The following OPCML variants were observed in gnomAD, a reference collection of about 807,000 sequenced individuals.
OPCML encodes the protein opioid-binding protein/cell adhesion molecule.
A neutral mutation model predicts 37.8 loss-of-function variants in OPCML; 13 were observed. The observed-to-expected ratio is 0.34, with a 90% CI of 0.22 to 0.55. The LOEUF (loss-of-function observed/expected upper bound fraction) is 0.55, where lower values mean the gene tolerates loss of function less well. OPCML is among the 20% of genes least tolerant of loss of function. OPCML has a pLI of 0.91. For synonymous variants in OPCML, 176 were observed against 168.8 expected (o/e 1.04, Z -0.33); for missense variants, 341 against 435.6 (o/e 0.78, Z 1.93).
chr11:133,423,094 A>C, intron 1 of OPCML: 1 of 985,432 alleles, frequency 1.0e-6, no homozygotes, highest in Non-Finnish European at 1.2e-6. Flanking sequence ...GTTCTCCAGA[A>C]TTGAGAAATG....
intron 2 of OPCML, among the ~76,000 whole-genome samples, chr11:132,785,676 A>G (rs1947184962): frequency 6.6e-6 from 1 of 152,214 alleles, no homozygotes; most frequent in South Asian, 2.1e-4. Flanking sequence ...AACTCTGTGC[A>G]GTAGAATCAC....
chr11:132,600,882 A>G (rs1357264633), intron 3 of OPCML, among the ~76,000 whole-genome samples: 2 of 101,144 alleles, frequency 2.0e-5, no homozygotes, highest in Non-Finnish European at 3.6e-5. Flanking sequence ...CACGGTCTCT[A>G]TATTGCTTAG....
In OPCML at chr11:133,140,823, A is replaced by C. The variant is rs868025544; in HGVS notation, c.62-197813T>G. Reference sequence around the variant, plus strand: ...AAGAAGAAGACGACGACGAAGAAGAAGACGACGACGAAGAAGACGACGACG... The same window carrying C: ...AAGAAGAAGACGACGACGAAGAAGACGACGACGACGAAGAAGACGACGACG... On this transcript the variant is annotated intron_variant, in intron 1 of 7. Coordinates refer to ENST00000524381, the MANE Select transcript of OPCML (RefSeq NM_001012393.5). Among the ~76,000 whole-genome samples, 45 of 31,688 alleles carry C rather than the reference A, an allele frequency of 1.4e-3. 1 individual carries two copies. Among genetic ancestry groups the C allele is most frequent in the African/African-American group, 3.0e-3 (45 of 14,764 alleles). 20.8% of individuals were successfully genotyped at this position (31,688 alleles called of 152,430 possible).
chr11:132,489,457 T>C (rs985006797), intron 4 of OPCML, among the ~76,000 whole-genome samples: 1 of 152,240 alleles, frequency 6.6e-6, no homozygotes, highest in Non-Finnish European at 1.5e-5. Flanking sequence ...CGATCGTTTA[T>C]TGTCAAATAT....
chr11:133,304,835 T>C (rs1461314635), intron 1 of OPCML, among the ~76,000 whole-genome samples: 4 of 152,178 alleles, frequency 2.6e-5, no homozygotes, highest in African/African-American at 4.8e-5. Context: ...TTTGAGGGAT[T>C]TTTCCTTATG....
chr11:132,889,125 T>C (rs1943541848), intron 2 of OPCML, among the ~76,000 whole-genome samples: 1 of 152,220 alleles, frequency 6.6e-6, no homozygotes, highest in African/African-American at 2.4e-5. Context: ...ACTGTTTGCC[T>C]CAGGACTGCA....
At chr11:132,764,723 C>A (rs1946378739) in intron 2 of OPCML, among the ~76,000 whole-genome samples, 1 of 152,178 alleles carries the variant, frequency 6.6e-6, no homozygotes, top group African/African-American at 2.4e-5. Context: ...TGGATGAGCA[C>A]ATCTGTTAGC....
At chr11:132,650,872 C>A (rs1266221837) in intron 3 of OPCML, among the ~76,000 whole-genome samples, 1 of 152,176 alleles carries the variant, frequency 6.6e-6, no homozygotes, top group East Asian at 1.9e-4. Context: ...AAATTTATTT[C>A]AGGTTAACTG....
intron 1 of OPCML, among the ~76,000 whole-genome samples, chr11:133,253,813 T>TCCTTCCCTTCCCTTCCCTTC (rs750850537): frequency 6.6e-5 from 9 of 136,564 alleles, no homozygotes; most frequent in South Asian, 4.8e-4. Flanking sequence ...CCTTTTTCCC[T>TCCTTCCCTTCCCTTCCCTTC]CCTTCCCTTC....
chr11:132,961,844 G>A (rs749290014), intron 1 of OPCML, among the ~76,000 whole-genome samples: 11 of 152,176 alleles, frequency 7.2e-5, no homozygotes, highest in Non-Finnish European at 1.5e-4. Context: ...CCATATGAAA[G>A]GTCTTCCTCT....
intron 2 of OPCML, among the ~76,000 whole-genome samples, chr11:132,767,491 C>T (rs867464464): frequency 5.9e-5 from 9 of 152,164 alleles, no homozygotes; most frequent in African/African-American, 1.7e-4. Context: ...TCCATTTAGC[C>T]GACATACTGC....
chr11:132,548,279 T>C (rs79990799), intron 3 of OPCML, among the ~76,000 whole-genome samples: 10,825 of 152,170 alleles, frequency 0.071, 761 homozygotes, highest in African/African-American at 0.17. Context: ...CTAAAGGAAG[T>C]AGGGCAGAAA....
At chr11:132,503,290 G>A (rs1449381698) in intron 4 of OPCML, among the ~76,000 whole-genome samples, 6 of 152,090 alleles carry the variant, frequency 3.9e-5, no homozygotes, top group Admixed American at 2.0e-4. Context: ...GTTCTCCTTG[G>A]TGCCATTATT....
intron 1 of OPCML, among the ~76,000 whole-genome samples, chr11:133,030,661 GAATT>G (rs1337563130): frequency 6.6e-6 from 1 of 152,092 alleles, no homozygotes; most frequent in Non-Finnish European, 1.5e-5. Context: ...ACTTTACCTA[GAATT>G]AATATGCTAG....
chr11:133,071,985 G>A (rs1055157341), intron 1 of OPCML, among the ~76,000 whole-genome samples: 4 of 152,290 alleles, frequency 2.6e-5, no homozygotes, highest in Non-Finnish European at 5.9e-5. Flanking sequence ...AGTCAGGACT[G>A]CGTGTGCAGG....
chr11:133,524,660 C>T (rs1384716626), intron 1 of OPCML, among the ~76,000 whole-genome samples: 2 of 152,230 alleles, frequency 1.3e-5, no homozygotes, highest in East Asian at 1.9e-4. Flanking sequence ...GATGTGAGAT[C>T]CAAAAGTGTG....
intron 3 of OPCML, among the ~76,000 whole-genome samples, chr11:132,554,450 A>G (rs565837346): frequency 1.3e-5 from 2 of 152,344 alleles, no homozygotes; most frequent in African/African-American, 4.8e-5. Context: ...AGTTTTTGCC[A>G]AAGCATTCAG....
At chr11:132,431,036 T>C (rs1376564486) in intron 7 of OPCML, among the ~76,000 whole-genome samples, 1 of 152,200 alleles carries the variant, frequency 6.6e-6, no homozygotes, top group African/African-American at 2.4e-5. Context: ...CCACCCCTGC[T>C]GTACTTAGGC....
intron 1 of OPCML, among the ~76,000 whole-genome samples, chr11:133,525,034 T>C (rs1190552810): frequency 6.6e-6 from 1 of 152,178 alleles, no homozygotes; most frequent in Non-Finnish European, 1.5e-5. Context: ...GAGAACATAT[T>C]GGAGAACAAA....
Sources: allele counts gnomAD v4.1 joint callset (sites outside exome capture counted in the v4.1 genomes callset), GRCh38; gene constraint gnomAD v4.1.1; transcripts MANE v1.5; gene names NCBI Gene and HGNC (gene_info 2026-07-23, HGNC 2026-07-21).